Variants in RANBP2 observed in about 807,000 individuals in gnomAD.
The protein encoded by RANBP2 is RAN binding protein 2, also known as E3 SUMO-protein ligase RanBP2.
A neutral mutation model predicts 303.6 loss-of-function variants in RANBP2; 57 were observed. The ratio of observed to expected loss-of-function variants is 0.19; its 90% CI spans 0.15 to 0.23. RANBP2 has a LOEUF of 0.23. RANBP2 is among the 10% of genes least tolerant of loss of function. RANBP2 has a pLI of 1.00. For missense variants in RANBP2, 3,138 were observed against 3,780.8 expected (o/e 0.83, Z 4.46); for synonymous variants, 1,167 against 1,301.5 (o/e 0.90, Z 2.23).
chr2:109,658,685 G>T, the RANBP2 span, among the ~76,000 whole-genome samples: 3 of 152,158 alleles, frequency 2.0e-5, no homozygotes, highest in African/African-American at 7.2e-5. Flanking sequence ...CCAGCACTTT[G>T]GGAGACTGAG....
chr2:109,266,738 T>A, the RANBP2 span, among the ~76,000 whole-genome samples: 1 of 152,184 alleles, frequency 6.6e-6, no homozygotes, highest in African/African-American at 2.4e-5. Flanking sequence ...CGGCCCACGC[T>A]TGCTTCATTA....
At chr2:109,340,073 C>A in the RANBP2 span, among the ~76,000 whole-genome samples, 1 of 152,040 alleles carries the variant, frequency 6.6e-6, no homozygotes, top group African/African-American at 2.4e-5. Context: ...GAGCAGTAAT[C>A]GGGTTATCGG....
chr2:109,006,902 T>G, the RANBP2 span, among the ~76,000 whole-genome samples: 1 of 152,212 alleles, frequency 6.6e-6, no homozygotes, highest in Non-Finnish European at 1.5e-5. Flanking sequence ...GAGTGAAAAA[T>G]ACATTTTTAA....
At chr2:109,625,397 GT>G in the RANBP2 span, among the ~76,000 whole-genome samples, 1 of 151,818 alleles carries the variant, frequency 6.6e-6, no homozygotes, top group South Asian at 2.1e-4. Context: ...GCTCATGCCT[GT>G]AATCCCAGCA....
the RANBP2 span, among the ~76,000 whole-genome samples, chr2:109,042,134 T>A: frequency 6.6e-6 from 1 of 152,200 alleles, no homozygotes; most frequent in Non-Finnish European, 1.5e-5. Context: ...AAGTTTAAGC[T>A]TTCTTCATTA....
At chr2:109,016,306 C>G in the RANBP2 span, among the ~76,000 whole-genome samples, 1 of 151,862 alleles carries the variant, frequency 6.6e-6, no homozygotes, top group African/African-American at 2.4e-5. Flanking sequence ...ACCAGGATGG[C>G]CTCGATCTCC....
At chr2:108,949,659 T>C in the RANBP2 span, among the ~76,000 whole-genome samples, 5 of 152,184 alleles carry the variant, frequency 3.3e-5, no homozygotes, top group African/African-American at 1.2e-4. Context: ...GTTGGAGGAT[T>C]GGTTTGGGGC....
the RANBP2 span, among the ~76,000 whole-genome samples, chr2:109,131,030 A>G: frequency 6.6e-6 from 1 of 152,192 alleles, no homozygotes; most frequent in Non-Finnish European, 1.5e-5. Context: ...TACATTATCT[A>G]TTGGAATAAT....
At chr2:109,273,714 G>A in the RANBP2 span, among the ~76,000 whole-genome samples, 66 of 152,300 alleles carry the variant, frequency 4.3e-4, no homozygotes, top group African/African-American at 1.3e-3. Context: ...GATCTATCAC[G>A]TTGCAGGGTA....
At chr2:109,065,568 G>A in the RANBP2 span, among the ~76,000 whole-genome samples, 4 of 152,182 alleles carry the variant, frequency 2.6e-5, no homozygotes, top group Non-Finnish European at 1.5e-5. Flanking sequence ...GAGCAAGCTG[G>A]CAAAGGGTCA....
the RANBP2 span, among the ~76,000 whole-genome samples, chr2:109,429,859 C>T: frequency 1.3e-5 from 2 of 152,234 alleles, no homozygotes; most frequent in Non-Finnish European, 2.9e-5. Context: ...GCTCCCAGGC[C>T]ACCAAGCTCC....
At chr2:109,454,575 C>T in the RANBP2 span, among the ~76,000 whole-genome samples, 4 of 152,148 alleles carry the variant, frequency 2.6e-5, no homozygotes, top group African/African-American at 9.7e-5. Context: ...CTGAGGTTCC[C>T]CAAGGCTCTG....
the RANBP2 span, among the ~76,000 whole-genome samples, chr2:109,400,728 G>A: frequency 1.3e-5 from 2 of 152,208 alleles, no homozygotes; most frequent in Admixed American, 1.3e-4. Context: ...ACAAACGCTG[G>A]CTCTCATCGG....
At chr2:108,757,296 T>A (rs1363093270) in intron 17 of RANBP2, among the ~76,000 whole-genome samples, 1 of 152,206 alleles carries the variant, frequency 6.6e-6, no homozygotes, top group Non-Finnish European at 1.5e-5. Flanking sequence ...AGAGATGAGG[T>A]AGCCACATAG....
chr2:109,348,226 C>T, the RANBP2 span, among the ~76,000 whole-genome samples: 1 of 152,208 alleles, frequency 6.6e-6, no homozygotes, highest in Non-Finnish European at 1.5e-5. Flanking sequence ...CCTCCATCAG[C>T]ACCAGGAGCA....
At chr2:108,962,875 GT>G in the RANBP2 span, among the ~76,000 whole-genome samples, 6 of 152,094 alleles carry the variant, frequency 3.9e-5, no homozygotes, top group African/African-American at 1.2e-4. Context: ...CTCTTCAATG[GT>G]TTTGTCAAAG....
chr2:109,162,879 C>CAA, the RANBP2 span, among the ~76,000 whole-genome samples: 15 of 151,890 alleles, frequency 9.9e-5, no homozygotes, highest in African/African-American at 3.6e-4. Flanking sequence ...AGATGATTAC[C>CAA]AAAAAAACCA....
the RANBP2 span, among the ~76,000 whole-genome samples, chr2:109,662,923 G>A: frequency 0.14 from 21,949 of 152,176 alleles, 1,882 homozygotes; most frequent in Admixed American, 0.27. Context: ...CAGAGCATCT[G>A]TACTGCCACA....
At chr2:109,143,084 TG>T in the RANBP2 span, among the ~76,000 whole-genome samples, 1 of 152,036 alleles carries the variant, frequency 6.6e-6, no homozygotes, top group African/African-American at 2.4e-5. Flanking sequence ...GAACCCAGTG[TG>T]GGGGGCCTGC....
Sources: gnomAD v4.1 joint callset for allele counts (sites outside exome capture counted in the v4.1 genomes callset) on GRCh38, gnomAD v4.1.1 for gene constraint, MANE v1.5 for transcripts, NCBI Gene and HGNC (gene_info 2026-07-23, HGNC 2026-07-21) for gene names.